Variants in RPS6KA2 observed in about 807,000 individuals in gnomAD.
RPS6KA2 encodes the protein ribosomal protein S6 kinase alpha-2.
RPS6KA2 carries 42 observed loss-of-function variants against 91.8 expected under a neutral mutation model. The ratio of observed to expected loss-of-function variants is 0.46; its 90% CI spans 0.36 to 0.59. The LOEUF (loss-of-function observed/expected upper bound fraction) is 0.59, where lower values mean the gene tolerates loss of function less well. RPS6KA2 is among the 20% of genes least tolerant of loss of function. The pLI, the probability that RPS6KA2 is intolerant of heterozygous loss-of-function variation, is 0.00. For synonymous variants in RPS6KA2, 414 were observed against 393.6 expected (o/e 1.05, Z -0.61); for missense variants, 798 against 978.5 (o/e 0.82, Z 2.46).
chr6:166,751,632 T>C lies in RPS6KA2; in HGVS notation c.123+106568A>G, dbSNP rs375022630. On this transcript the variant is annotated intron_variant, in intron 2 of 21. Transcript: ENST00000503859. ...GAAAGAGGGGTCTAAGTGTCTGAGC[T>C]TGGAATCAAGGTATTCCCAAATTTT... 1.6e-4 allele frequency among the ~76,000 whole-genome samples: 25 copies of C among 152,364 alleles called. 1 individual carries two copies. The highest frequency in any genetic ancestry group is 4.8e-4 in the African/African-American group (20 of 41,584).
intron 2 of RPS6KA2, among the ~76,000 whole-genome samples, chr6:166,657,717 C>G (rs1788043782): frequency 6.6e-6 from 1 of 152,170 alleles, no homozygotes; most frequent in South Asian, 2.1e-4. Context: ...AGAGGCTGAG[C>G]CCTGGTGCCA....
intron 2 of RPS6KA2, among the ~76,000 whole-genome samples, chr6:166,687,891 A>T (rs367750673): frequency 8.5e-4 from 130 of 152,266 alleles, no homozygotes; most frequent in African/African-American, 3.1e-3. Context: ...CTGCGGTAGG[A>T]GTGAGACCTG....
intron 10 of RPS6KA2, 28 bp downstream of exon 10, chr6:166,488,805 C>T (rs773719840): frequency 3.2e-6 from 5 of 1,582,598 alleles, no homozygotes; most frequent in Non-Finnish European, 4.3e-6. Context: ...TGCACGTTCC[C>T]GTGGTGGGGT....
At chr6:166,659,939 T>C (rs76773472) in intron 2 of RPS6KA2, among the ~76,000 whole-genome samples, 103 of 151,960 alleles carry the variant, frequency 6.8e-4, no homozygotes, top group Middle Eastern at 3.4e-3. Context: ...TTTTTTTTTT[T>C]TTAGACACAA....
chr6:166,658,814 G>A (rs1037872258), intron 2 of RPS6KA2, among the ~76,000 whole-genome samples: 9 of 152,280 alleles, frequency 5.9e-5, no homozygotes, highest in African/African-American at 1.4e-4. Context: ...TAAACCCTCC[G>A]TGTTCCTCAA....
chr6:166,757,751 T>G (rs1778058825), intron 2 of RPS6KA2: 1 of 332,772 alleles, frequency 3.0e-6, no homozygotes, highest in South Asian at 2.2e-5. Flanking sequence ...CAGCCACAGA[T>G]TCCCAAGCCG....
intron 2 of RPS6KA2, among the ~76,000 whole-genome samples, chr6:166,820,318 T>G (rs1779877599): frequency 6.6e-6 from 1 of 152,182 alleles, no homozygotes; most frequent in Non-Finnish European, 1.5e-5. Context: ...TGAATGCCCT[T>G]TTCTCATTAA....
chr6:166,829,293 T>C (rs1428127610), intron 2 of RPS6KA2, among the ~76,000 whole-genome samples: 1 of 152,064 alleles, frequency 6.6e-6, no homozygotes, highest in East Asian at 1.9e-4. Context: ...CTCAAAAACA[T>C]TTAAAAATGA....
chr6:166,520,646 G>T (rs1053259251), intron 3 of RPS6KA2, among the ~76,000 whole-genome samples: 3 of 152,226 alleles, frequency 2.0e-5, no homozygotes, highest in Non-Finnish European at 4.4e-5. Context: ...TGGGTAATGG[G>T]TAGAGGTTGG....
In RPS6KA2 at chr6:166,495,709, C is replaced by G. The variant is rs898345389; in HGVS notation, c.747+2799G>C. ...CTGGTGTTTAAGAAACTCCACGTGC[C>G]AGGAGACACTCACAGAGACAGACAA... On this transcript the variant is annotated intron_variant, in intron 8 of 20. Coordinates refer to ENST00000265678, the MANE Select transcript of RPS6KA2 (RefSeq NM_021135.6). The surrounding 1 kb of genome is among the most constrained non-coding windows in gnomAD (Gnocchi z 4.4). 2.0e-5 allele frequency among the ~76,000 whole-genome samples: 3 copies of G among 152,182 alleles called. No homozygotes were observed. Among genetic ancestry groups the G allele is most frequent in the Non-Finnish European group, 4.4e-5 (3 of 68,046 alleles).
chr6:166,710,984 C>A (rs1455029795), intron 2 of RPS6KA2, among the ~76,000 whole-genome samples: 1 of 152,106 alleles, frequency 6.6e-6, no homozygotes, highest in Non-Finnish European at 1.5e-5. Flanking sequence ...AAAACCTTGG[C>A]CCCACCTTCA....
upstream of RPS6KA2, among the ~76,000 whole-genome samples, chr6:166,629,799 C>G (rs758480095): frequency 6.6e-6 from 1 of 152,118 alleles, no homozygotes; most frequent in East Asian, 1.9e-4. Context: ...GACTGAATTC[C>G]GTGGTGACTG....
chr6:166,763,468 G>A (rs538631209), intron 2 of RPS6KA2, among the ~76,000 whole-genome samples: 58 of 152,240 alleles, frequency 3.8e-4, no homozygotes, highest in African/African-American at 1.2e-3. Flanking sequence ...GGGAGAGAGC[G>A]GCAATGAGAG....
chr6:166,762,053 C>T (rs1778186999), intron 2 of RPS6KA2, among the ~76,000 whole-genome samples: 1 of 152,188 alleles, frequency 6.6e-6, no homozygotes. Flanking sequence ...GAGAAGCAGG[C>T]TCTATCACGT....
intron 2 of RPS6KA2, among the ~76,000 whole-genome samples, chr6:166,793,977 T>G (rs1000925800): frequency 7.0e-6 from 1 of 142,248 alleles, no homozygotes; most frequent in Non-Finnish European, 1.5e-5. Context: ...CCAAAAGCAA[T>G]GGCAACAAAA....
At chr6:166,546,954 C>G (rs895859288) in intron 1 of RPS6KA2, among the ~76,000 whole-genome samples, 1 of 151,998 alleles carries the variant, frequency 6.6e-6, no homozygotes, top group African/African-American at 2.4e-5. Flanking sequence ...AGTTTCTTTT[C>G]TTTTTTTTCT....
intron 2 of RPS6KA2, among the ~76,000 whole-genome samples, chr6:166,755,720 T>C (rs902621332): frequency 6.6e-6 from 1 of 152,218 alleles, no homozygotes; most frequent in Non-Finnish European, 1.5e-5. Context: ...GTAAGTTTAC[T>C]GACATCTTTC....
At chr6:166,645,499 C>G (rs1364634789) in intron 2 of RPS6KA2, among the ~76,000 whole-genome samples, 1 of 152,230 alleles carries the variant, frequency 6.6e-6, no homozygotes, top group Admixed American at 6.5e-5. Flanking sequence ...CCCCTCCTCT[C>G]TCTTCAACCT....
At chr6:166,584,824 G>C (rs984280065) in intron 1 of RPS6KA2, among the ~76,000 whole-genome samples, 12 of 152,238 alleles carry the variant, frequency 7.9e-5, no homozygotes, top group African/African-American at 2.9e-4. Context: ...GACCATGATT[G>C]ATCTATTTGA....
Sources: allele counts gnomAD v4.1 joint callset (sites outside exome capture counted in the v4.1 genomes callset), GRCh38; gene constraint gnomAD v4.1.1; non-coding constraint Gnocchi (gnomAD v3.1); transcripts MANE v1.5; gene names NCBI Gene and HGNC (gene_info 2026-07-23, HGNC 2026-07-21).